The following MFSD11 variants were observed in gnomAD, a reference collection of about 807,000 sequenced individuals.
MFSD11 encodes major facilitator superfamily domain containing 11.
A neutral mutation model predicts 53.5 loss-of-function variants in MFSD11; 36 were observed. That is an observed-to-expected ratio of 0.67 (90% CI 0.52 to 0.89). MFSD11 has a LOEUF of 0.89. Ranked by LOEUF, MFSD11 falls within the 40% of genes least tolerant of loss-of-function variation. MFSD11 has a pLI of 0.00. For synonymous variants in MFSD11, 186 were observed against 184.9 expected, an observed-to-expected ratio of 1.01 and a Z score of -0.05; for missense variants, 530 against 543.9, an observed-to-expected ratio of 0.97 and a Z score of 0.25.
At chr17:76,763,740 T>C (rs1264245445) in intron 8 of MFSD11, among the ~76,000 whole-genome samples, 1 of 152,130 alleles carries the variant, frequency 6.6e-6, no homozygotes, top group Non-Finnish European at 1.5e-5. Flanking sequence ...GTTCTATAGA[T>C]TGACTTTTCA....
chr17:76,744,191 T>C (rs1247833302), intron 6 of MFSD11, 131 bp from the exon 7 acceptor site: 22 of 811,054 alleles, frequency 2.7e-5, no homozygotes, highest in Non-Finnish European at 3.8e-5. Context: ...TTTTCCTAGG[T>C]TTTTACTGAT....
chr17:76,775,722 A>G (rs1017480442), intron 11 of MFSD11, among the ~76,000 whole-genome samples: 4 of 152,228 alleles, frequency 2.6e-5, no homozygotes, highest in Non-Finnish European at 5.9e-5. Flanking sequence ...GGCCAACATG[A>G]TGCTCAAAGG....
chr17:76,803,339 C>T, the MFSD11 span, among the ~76,000 whole-genome samples: 2 of 152,326 alleles, frequency 1.3e-5, no homozygotes, highest in South Asian at 4.1e-4. Flanking sequence ...TTGGAAGGAA[C>T]TTGGTTTATA....
At chr17:76,758,150 G>A (rs530810017) in intron 8 of MFSD11, among the ~76,000 whole-genome samples, 3 of 152,204 alleles carry the variant, frequency 2.0e-5, no homozygotes, top group Non-Finnish European at 1.5e-5. Context: ...TGCTCATAGA[G>A]GAATATAGGA....
At chr17:76,739,544 T>C (rs2077850399) in intron 2 of MFSD11, among the ~76,000 whole-genome samples, 3 of 152,254 alleles carry the variant, frequency 2.0e-5, no homozygotes, top group Admixed American at 6.5e-5. Flanking sequence ...TACAGGTATA[T>C]ATACACAAAC....
rs59878271 is a variant in MFSD11, at chr17:76,765,452, C to CTTT, written c.683-1908_683-1906dup. On this transcript the variant is annotated intron_variant, in intron 8 of 12. Transcript: ENST00000685175. ...GGCTATTGTGGGTCCCTTGAATTTC[C>CTTT]TTTTTTTTTTTTTTTTTTTTTTTTT... Among the ~76,000 whole-genome samples the CTTT allele has an allele frequency of 1.6e-4, 15 of 91,472 alleles. 1 individual carries two copies. The highest frequency in any genetic ancestry group is 2.3e-4 in the Admixed American group (2 of 8,858). 60.0% of individuals were successfully genotyped at this position (91,472 alleles called of 152,430 possible). A position where few individuals can be genotyped will look rare whatever the true frequency, so the allele number is the denominator to read the frequency against.
chr17:76,767,317 G>A, intron 8 of MFSD11, 69 bp from the exon 9 acceptor site: 1 of 928,542 alleles, frequency 1.1e-6, no homozygotes, highest in East Asian at 2.4e-5. Context: ...TTTGGTTGAA[G>A]GAAGTTTTAG....
At chr17:76,736,671 C>T (rs988248974), upstream of MFSD11, 1 of 1,227,034 alleles carries the variant, frequency 8.1e-7, no homozygotes, top group Non-Finnish European at 1.0e-6. Context: ...CGGAGGGTCG[C>T]GAGACGCGGC....
At chr17:76,749,036 A>C (rs1245886545) in intron 7 of MFSD11, among the ~76,000 whole-genome samples, 1 of 152,210 alleles carries the variant, frequency 6.6e-6, no homozygotes. Flanking sequence ...CAGAGAGAAA[A>C]GAAACAGGCA....
chr17:76,777,588 T>G (rs1205137369), intron 12 of MFSD11, among the ~76,000 whole-genome samples: 1 of 152,124 alleles, frequency 6.6e-6, no homozygotes, highest in Non-Finnish European at 1.5e-5. Flanking sequence ...TTTTTCCTTT[T>G]TTTGCTTTTG....
At chr17:76,797,268 GGTT>G in the MFSD11 span, among the ~76,000 whole-genome samples, 1 of 152,124 alleles carries the variant, frequency 6.6e-6, no homozygotes, top group Non-Finnish European at 1.5e-5. Flanking sequence ...TTTATTTTAA[GGTT>G]GTTTTTTGAT....
chr17:76,781,510 C>G (rs905650496), downstream of MFSD11: 2 of 152,236 alleles, frequency 1.3e-5, no homozygotes, highest in East Asian at 1.9e-4. Context: ...ACCTGTCACA[C>G]TGAGACTTAC....
Position 76,778,504 on chromosome 17 carries a change from T to G in MFSD11, c.*152T>G. The G allele has an allele frequency of 1.4e-6, 1 of 690,840 alleles. No individual in the cohort carries two copies. Among genetic ancestry groups the G allele is most frequent in the Admixed American group, 3.0e-5 (1 of 33,570 alleles). The allele number at this position is 690,840 out of a possible 1,614,324, so 42.8% of individuals were successfully genotyped here. A position where few individuals can be genotyped will look rare whatever the true frequency, so the allele number is the denominator to read the frequency against. On this transcript the variant is annotated 3_prime_UTR_variant, in exon 13 of 13. Transcript: ENST00000685175. ...AGACTGTTAAATCAGCCAGAGTTGG[T>G]GTTCAAGTTTACAGATATGAGTTAT...
chr17:76,742,458 C>T (rs2078181287), intron 5 of MFSD11, among the ~76,000 whole-genome samples, 185 bp downstream of exon 5: 1 of 151,748 alleles, frequency 6.6e-6, no homozygotes. Flanking sequence ...GGCTCACTAG[C>T]TACTCAGGAC....
chr17:76,744,239 A>G (rs897689101), intron 6 of MFSD11, 83 bp from the exon 7 acceptor site: 10 of 1,320,142 alleles, frequency 7.6e-6, no homozygotes, highest in Non-Finnish European at 8.1e-6. Flanking sequence ...GTGTGTTGAC[A>G]GTTGTAAGCA....
chr17:76,779,555 G>C (rs1568124954), downstream of MFSD11, among the ~76,000 whole-genome samples: 1 of 152,090 alleles, frequency 6.6e-6, no homozygotes, highest in Non-Finnish European at 1.5e-5. Flanking sequence ...CGTGATCTCA[G>C]CTCACTGCAA....
At chr17:76,761,111 G>A (rs560715738) in intron 8 of MFSD11, among the ~76,000 whole-genome samples, 17 of 152,140 alleles carry the variant, frequency 1.1e-4, no homozygotes, top group Non-Finnish European at 1.6e-4. Context: ...AGGCTGAGGC[G>A]GGAGAATTGC....
the MFSD11 span, among the ~76,000 whole-genome samples, chr17:76,791,303 C>T: frequency 3.4e-5 from 5 of 149,216 alleles, 1 homozygote; most frequent in East Asian, 3.9e-4. Flanking sequence ...TTTTTGACTT[C>T]GTTTCAATTC....
At chr17:76,743,252 T>C (rs2078258634) in intron 5 of MFSD11, 146 bp from the exon 6 acceptor site, 1 of 514,054 alleles carries the variant, frequency 1.9e-6, no homozygotes, top group Non-Finnish European at 3.3e-6. Context: ...CTGATACTTT[T>C]AAATGACCCA....
Sources: gnomAD v4.1 joint callset for allele counts (sites outside exome capture counted in the v4.1 genomes callset) on GRCh38, gnomAD v4.1.1 for gene constraint, MANE v1.5 for transcripts, NCBI Gene and HGNC (gene_info 2026-07-23, HGNC 2026-07-21) for gene names.